NFIB: variants seen among roughly 807,000 people sequenced by gnomAD.
NFIB encodes nuclear factor 1 B-type.
NFIB carries 11 observed loss-of-function variants against 61.5 expected under a neutral mutation model. The ratio of observed to expected loss-of-function variants is 0.18; its 90% CI spans 0.11 to 0.30. NFIB has a LOEUF of 0.30. Among genes scored for constraint, NFIB ranks in the 10% least tolerant of loss-of-function variants. The pLI is 1.00. For missense variants in NFIB, 471 were observed against 608.9 expected (o/e 0.77, Z 2.38); for synonymous variants, 260 against 216.5 (o/e 1.20, Z -1.76).
At chr9:14,260,923 C>T (rs879492367) in intron 2 of NFIB, among the ~76,000 whole-genome samples, 1 of 152,132 alleles carries the variant, frequency 6.6e-6, no homozygotes, top group Non-Finnish European at 1.5e-5. Flanking sequence ...CTCTCCATCA[C>T]AATATGTCTT....
chr9:14,155,954 T>C (rs2043348838), intron 3 of NFIB, 61 bp from the exon 4 acceptor site: 2 of 1,023,136 alleles, frequency 2.0e-6, no homozygotes, highest in Non-Finnish European at 2.9e-6. Context: ...TAAATGATTA[T>C]ACACTAGAAT....
At chr9:14,148,453 C>T (rs1253770727) in intron 5 of NFIB, among the ~76,000 whole-genome samples, 2 of 152,074 alleles carry the variant, frequency 1.3e-5, no homozygotes, top group Admixed American at 6.6e-5. Flanking sequence ...CTTATTCACA[C>T]CTATGCTGGT....
At chr9:14,113,196 C>T in intron 9 of NFIB, 115 bp from the exon 10 acceptor site, 1 of 724,428 alleles carries the variant, frequency 1.4e-6, no homozygotes, top group Non-Finnish European at 2.1e-6. Flanking sequence ...AAAAAAGTGT[C>T]TTCATTTCTC....
intron 1 of NFIB, among the ~76,000 whole-genome samples, chr9:14,372,741 T>C (rs985384136): frequency 2.0e-5 from 3 of 152,192 alleles, no homozygotes; most frequent in African/African-American, 4.8e-5. Flanking sequence ...TAAAATGGCA[T>C]TGCAGTGTCC....
chr9:14,169,306 T>A (rs2045295696), intron 3 of NFIB, among the ~76,000 whole-genome samples: 1 of 152,034 alleles, frequency 6.6e-6, no homozygotes, highest in Non-Finnish European at 1.5e-5. Flanking sequence ...CACACATACA[T>A]GCAAGGTATA....
At chr9:14,363,990 T>C (rs527523047) in intron 1 of NFIB, among the ~76,000 whole-genome samples, 5 of 152,358 alleles carry the variant, frequency 3.3e-5, no homozygotes, top group South Asian at 2.1e-4. Context: ...CAGTTTTTCC[T>C]GTAACAAATA....
the NFIB span, among the ~76,000 whole-genome samples, chr9:14,409,004 C>T: frequency 6.6e-6 from 1 of 152,026 alleles, no homozygotes; most frequent in South Asian, 2.1e-4. Flanking sequence ...TTAAGTACTG[C>T]CAAGAAATTG....
chr9:14,411,343 A>G, the NFIB span, among the ~76,000 whole-genome samples: 1 of 152,156 alleles, frequency 6.6e-6, no homozygotes, highest in Non-Finnish European at 1.5e-5. Context: ...TGACCCATAC[A>G]ATTTGTCGAT....
At chr9:14,485,118 G>C in the NFIB span, among the ~76,000 whole-genome samples, 4 of 152,252 alleles carry the variant, frequency 2.6e-5, no homozygotes, top group South Asian at 8.3e-4. Context: ...CTCCCAAGTA[G>C]GTATTTGACC....
chr9:14,169,105 C>T (rs1268855536), intron 3 of NFIB, among the ~76,000 whole-genome samples: 2 of 152,060 alleles, frequency 1.3e-5, no homozygotes, highest in Admixed American at 6.6e-5. Flanking sequence ...GTCCAAAATA[C>T]CAAATTTTAA....
intron 1 of NFIB, among the ~76,000 whole-genome samples, chr9:14,384,161 T>A (rs185206635): frequency 1.2e-4 from 19 of 152,278 alleles, no homozygotes; most frequent in Admixed American, 9.8e-4. Context: ...GAAGTCGCAA[T>A]CCTGATGACA....
Position 14,307,413 on chromosome 9 carries a change from C to T in NFIB, c.138G>A (p.Glu46=). ...ARKRKYFKKH[E]KRMSKDEERA... Reference sequence around the variant, plus strand: ...TTTCTTCATCCTTTGACATTCGCTTCTCATGCTTTTTAAAGTACTTGCGTT... The same window carrying T: ...TTTCTTCATCCTTTGACATTCGCTTTTCATGCTTTTTAAAGTACTTGCGTT... The change falls in exon 2 of 11, where the codon GAG becomes GAA. Residue 46 remains glutamate (E), a synonymous_variant. Coordinates refer to ENST00000380953, the MANE Select transcript of NFIB (RefSeq NM_001190737.2). The surrounding 1 kb of genome is among the most constrained non-coding windows in gnomAD (Gnocchi z 5.3). The T allele has an allele frequency of 1.9e-6, 3 of 1,613,992 alleles. No homozygotes were observed. The highest frequency in any genetic ancestry group is 2.5e-6 in the Non-Finnish European group (3 of 1,180,014).
At chr9:14,530,556 G>C in the NFIB span, among the ~76,000 whole-genome samples, 1 of 152,174 alleles carries the variant, frequency 6.6e-6, no homozygotes, top group African/African-American at 2.4e-5. Flanking sequence ...AAAGGGTGCA[G>C]AGAAGGACTC....
the NFIB span, among the ~76,000 whole-genome samples, chr9:14,459,533 A>G: frequency 2.9e-4 from 44 of 152,306 alleles, no homozygotes; most frequent in Admixed American, 1.2e-3. Context: ...TAATTAAACT[A>G]AAGAGCTTCT....
At chr9:14,471,053 A>G in the NFIB span, among the ~76,000 whole-genome samples, 1 of 152,206 alleles carries the variant, frequency 6.6e-6, no homozygotes, top group Non-Finnish European at 1.5e-5. Context: ...TTCCATATGT[A>G]TTGATATTCT....
chr9:14,108,078 A>G (rs77151682), intron 10 of NFIB, among the ~76,000 whole-genome samples: 1 of 152,244 alleles, frequency 6.6e-6, no homozygotes, highest in East Asian at 1.9e-4. Flanking sequence ...CATAGCCATT[A>G]TTTCGACTGA....
intron 1 of NFIB, among the ~76,000 whole-genome samples, chr9:14,379,752 G>A (rs1255045400): frequency 6.6e-6 from 1 of 151,884 alleles, no homozygotes; most frequent in Non-Finnish European, 1.5e-5. Flanking sequence ...GCATAATCTT[G>A]GCTCACTGCA....
the NFIB span, among the ~76,000 whole-genome samples, chr9:14,411,730 C>A: frequency 6.6e-6 from 1 of 152,132 alleles, no homozygotes; most frequent in Non-Finnish European, 1.5e-5. Flanking sequence ...CCCCAATAAA[C>A]CCCCATCCTG....
intron 2 of NFIB, among the ~76,000 whole-genome samples, chr9:14,215,461 A>G (rs2050758221): frequency 6.6e-6 from 1 of 152,198 alleles, no homozygotes; most frequent in Non-Finnish European, 1.5e-5. Context: ...ATTGTCAGAA[A>G]GCAAATGTGT....
Sources: gnomAD v4.1 joint callset for allele counts (sites outside exome capture counted in the v4.1 genomes callset) on GRCh38, gnomAD v4.1.1 for gene constraint, Gnocchi (gnomAD v3.1) non-coding constraint, MANE v1.5 for transcripts, NCBI Gene and HGNC (gene_info 2026-07-23, HGNC 2026-07-21) for gene names.